The following MDFIC2 variants were observed in gnomAD, a reference collection of about 807,000 sequenced individuals.
MDFIC2 encodes MyoD family inhibitor domain containing 2.
chr3:70,248,394 G>T (rs768333795), intron 2 of MDFIC2, among the ~76,000 whole-genome samples: 1 of 152,094 alleles, frequency 6.6e-6, no homozygotes, highest in South Asian at 2.1e-4. Flanking sequence ...TTGCCAAAAA[G>T]TGTTGGGTTA....
At chr3:70,269,963 C>T (rs895452138) in intron 2 of MDFIC2, among the ~76,000 whole-genome samples, 1 of 151,782 alleles carries the variant, frequency 6.6e-6, no homozygotes, top group Non-Finnish European at 1.5e-5. Context: ...GAAAATGATC[C>T]TCAAATAAAG....
At chr3:70,208,060 A>T (rs972362178) in intron 2 of MDFIC2, among the ~76,000 whole-genome samples, 3 of 152,124 alleles carry the variant, frequency 2.0e-5, no homozygotes, top group Admixed American at 6.6e-5. Context: ...AAAGAGAAGC[A>T]TATCATAAAA....
chr3:70,216,172 T>A (rs993049618), intron 2 of MDFIC2, among the ~76,000 whole-genome samples: 1 of 151,254 alleles, frequency 6.6e-6, no homozygotes, highest in Non-Finnish European at 1.5e-5. Context: ...ATATTTATGC[T>A]TTATATTTGC....
intron 2 of MDFIC2, among the ~76,000 whole-genome samples, chr3:70,231,371 C>T (rs1186039807): frequency 6.6e-6 from 1 of 152,332 alleles, no homozygotes; most frequent in African/African-American, 2.4e-5. Context: ...AAGCTGTCAA[C>T]GCAAACTTGC....
chr3:70,302,210 C>T (rs539952312), intron 2 of MDFIC2, among the ~76,000 whole-genome samples: 2 of 152,198 alleles, frequency 1.3e-5, no homozygotes, highest in East Asian at 3.9e-4. Context: ...TGATTTATGC[C>T]TGTAGAGTGA....
chr3:70,225,955 C>T (rs1358459976), intron 2 of MDFIC2, among the ~76,000 whole-genome samples: 1 of 152,036 alleles, frequency 6.6e-6, no homozygotes, highest in Non-Finnish European at 1.5e-5. Flanking sequence ...ATGATGCTTA[C>T]GTCATTAACA....
chr3:70,279,013 T>A (rs1702055439), intron 2 of MDFIC2, among the ~76,000 whole-genome samples: 1 of 151,354 alleles, frequency 6.6e-6, no homozygotes, highest in African/African-American at 2.4e-5. Flanking sequence ...TATATGTAGA[T>A]GCCTATCAGT....
Position 70,238,601 on chromosome 3 carries a change from A to G in MDFIC2, c.89-31811T>C, listed in dbSNP as rs150456207. On this transcript the variant is annotated intron_variant, in intron 2 of 3. Coordinates refer to ENST00000567252, the MANE Select transcript of MDFIC2 (RefSeq NM_001364677.1). The stretch of plus-strand genomic sequence containing the variant: ...TACTCCAGCCTGGATGAGAGTGAGC[A>G]CTTGTCTCAAAAAAGAAAAAAAAAA... Among the ~76,000 whole-genome samples the G allele has an allele frequency of 3.7e-3, 569 of 151,876 alleles. 14 individuals are homozygous for G. The highest frequency in any genetic ancestry group is 0.034 in the Admixed American group (514 of 15,238).
intron 3 of MDFIC2, chr3:70,205,476 A>G (rs1289612537): frequency 6.6e-6 from 1 of 152,154 alleles, no homozygotes; most frequent in Non-Finnish European, 1.5e-5. Context: ...CTTACTTTCT[A>G]AAAATGTAAT....
intron 2 of MDFIC2, among the ~76,000 whole-genome samples, chr3:70,244,721 C>A (rs1294411589): frequency 1.3e-5 from 2 of 152,164 alleles, no homozygotes; most frequent in East Asian, 3.9e-4. Flanking sequence ...CAGGCTGAAT[C>A]ATTATGCTCT....
chr3:70,233,006 T>C (rs1189940562), intron 2 of MDFIC2, among the ~76,000 whole-genome samples: 5 of 152,258 alleles, frequency 3.3e-5, no homozygotes, highest in Middle Eastern at 3.4e-3. Flanking sequence ...CTGGTTATCA[T>C]GGTGAAATAC....
chr3:70,234,892 C>A (rs914189993), intron 2 of MDFIC2, among the ~76,000 whole-genome samples: 1 of 152,124 alleles, frequency 6.6e-6, no homozygotes, highest in African/African-American at 2.4e-5. Context: ...ACTTTTTAAA[C>A]GCTGCCTTGG....
intron 3 of MDFIC2, among the ~76,000 whole-genome samples, chr3:70,198,556 T>A (rs35432242): frequency 0.52 from 79,317 of 152,016 alleles, 21,463 homozygotes; most frequent in Middle Eastern, 0.57. Flanking sequence ...GAGTCCTGAA[T>A]ATAAGTAAAC....
intron 2 of MDFIC2, among the ~76,000 whole-genome samples, chr3:70,303,441 G>A (rs966316323): frequency 2.0e-5 from 3 of 152,144 alleles, no homozygotes; most frequent in African/African-American, 7.2e-5. Context: ...AATTCCAGAA[G>A]TGGCGATCTG....
At chr3:70,223,114 C>T (rs115605032) in intron 2 of MDFIC2, among the ~76,000 whole-genome samples, 2,926 of 152,238 alleles carry the variant, frequency 0.019, 34 homozygotes, top group Non-Finnish European at 0.03. Context: ...CCCTCTGACA[C>T]CTGCTTCTGA....
intron 2 of MDFIC2, among the ~76,000 whole-genome samples, chr3:70,222,265 G>A (rs910839019): frequency 6.6e-6 from 1 of 152,170 alleles, no homozygotes; most frequent in Non-Finnish European, 1.5e-5. Context: ...GGCAACTGGA[G>A]ATGAAGACTC....
In MDFIC2 at chr3:70,195,216, T is replaced by G. The variant is rs1047100686; in HGVS notation, c.*1710A>C. Among the ~76,000 whole-genome samples the G allele has an allele frequency of 6.6e-6, 1 of 152,006 alleles. No individual in the cohort carries two copies. The highest frequency in any genetic ancestry group is 2.4e-5 in the African/African-American group (1 of 41,394). On this transcript the variant is annotated 3_prime_UTR_variant, in exon 4 of 4. Transcript: ENST00000567252. The stretch of plus-strand genomic sequence containing the variant: ...TTCCCTTCCTGTTCTAGGAATCTAT[T>G]TTTTTTTCTTCTAATGATCTACAAG...
In MDFIC2 at chr3:70,273,778, G is replaced by T. The variant is rs1701996652; in HGVS notation, c.88+38108C>A. ...TGTTTAGCAGTCAAATGTAGAAAGA[G>T]GTCCAGAATTTCCTTTATTTTTCTC... On this transcript the variant is annotated intron_variant, in intron 2 of 3. Coordinates refer to ENST00000567252, the MANE Select transcript of MDFIC2 (RefSeq NM_001364677.1). 2.0e-5 allele frequency among the ~76,000 whole-genome samples: 3 copies of T among 152,124 alleles called. No homozygotes were observed. In the South Asian group the frequency reaches 6.2e-4, roughly 32 times the overall value.
intron 2 of MDFIC2, among the ~76,000 whole-genome samples, chr3:70,252,788 T>G (rs543320280): frequency 6.6e-6 from 1 of 151,668 alleles, no homozygotes; most frequent in Non-Finnish European, 1.5e-5. Context: ...AAAAAGAAAA[T>G]CAAAAAGAAG....
Sources: gnomAD v4.1 joint callset for allele counts (sites outside exome capture counted in the v4.1 genomes callset) on GRCh38, gnomAD v4.1.1 for gene constraint, MANE v1.5 for transcripts, NCBI Gene and HGNC (gene_info 2026-07-23, HGNC 2026-07-21) for gene names.